MSRA: variants seen among roughly 807,000 people sequenced by gnomAD.
MSRA encodes the protein methionine sulfoxide reductase A.
MSRA carries 54 observed loss-of-function variants against 31.3 expected under a neutral mutation model. The ratio of observed to expected loss-of-function variants is 1.73; its 90% CI spans 1.39 to 2.17. The LOEUF (loss-of-function observed/expected upper bound fraction) is 2.17, where lower values mean the gene tolerates loss of function less well. Among genes scored for constraint, MSRA ranks in the 30% most tolerant of loss-of-function variants. MSRA has a pLI of 0.00. For synonymous variants in MSRA, 169 were observed against 116.5 expected (o/e 1.45, Z -2.90); for missense variants, 507 against 300.9 (o/e 1.69, Z -5.07).
At chr8:10,303,700 T>G (rs1023664729) in intron 4 of MSRA, among the ~76,000 whole-genome samples, 2 of 152,112 alleles carry the variant, frequency 1.3e-5, no homozygotes, top group Non-Finnish European at 2.9e-5. Context: ...GTCAGTGGCC[T>G]CCCCACAGGT....
intron 3 of MSRA, among the ~76,000 whole-genome samples, chr8:10,267,510 C>T (rs1798808588): frequency 6.6e-6 from 1 of 152,120 alleles, no homozygotes; most frequent in Non-Finnish European, 1.5e-5. Flanking sequence ...GTATATGGCT[C>T]AGTCTCCACA....
intron 3 of MSRA, among the ~76,000 whole-genome samples, chr8:10,274,229 A>G (rs1335954526): frequency 6.6e-6 from 1 of 152,194 alleles, no homozygotes; most frequent in Non-Finnish European, 1.5e-5. Context: ...TAAATTCCAG[A>G]CAGTATGTAA....
At chr8:10,408,689 A>G (rs1199114501) in intron 5 of MSRA, among the ~76,000 whole-genome samples, 2 of 152,166 alleles carry the variant, frequency 1.3e-5, no homozygotes. Context: ...ATATCACCCA[A>G]ATAATGTACC....
chr8:10,184,381 A>C (rs1806834807), intron 1 of MSRA, among the ~76,000 whole-genome samples: 1 of 151,960 alleles, frequency 6.6e-6, no homozygotes, highest in African/African-American at 2.4e-5. Flanking sequence ...AAGCAGAAAG[A>C]ATCAGTTTCC....
chr8:10,390,744 C>G (rs1806689974), intron 5 of MSRA, among the ~76,000 whole-genome samples: 2 of 151,974 alleles, frequency 1.3e-5, no homozygotes. Context: ...TGACTCCATT[C>G]CAAAGGCGAA....
At chr8:10,124,573 TA>T (rs1197688147) in intron 1 of MSRA, among the ~76,000 whole-genome samples, 1 of 152,236 alleles carries the variant, frequency 6.6e-6, no homozygotes, top group Non-Finnish European at 1.5e-5. Flanking sequence ...ACTTTGATAT[TA>T]AATAAGTTTC....
chr8:10,173,246 A>G (rs538681903), intron 1 of MSRA, among the ~76,000 whole-genome samples: 30 of 152,244 alleles, frequency 2.0e-4, no homozygotes, highest in Non-Finnish European at 4.1e-4. Context: ...CTCTGAGCCG[A>G]AGGCTCTCCG....
intron 1 of MSRA, among the ~76,000 whole-genome samples, chr8:10,087,136 C>G (rs1798601931): frequency 6.6e-6 from 1 of 152,252 alleles, no homozygotes; most frequent in African/African-American, 2.4e-5. Context: ...CCTACTAGAC[C>G]TTAAACATCT....
At position 10,286,612 on chromosome 8, in the gene MSRA, G is replaced by A. The variant is rs1799952406; in HGVS notation, c.332-14922G>A. On this transcript the variant is annotated intron_variant, in intron 3 of 5. Transcript: ENST00000317173. Reference sequence around the variant, plus strand: ...ATACAAACATCCAGTTAGATATACTGTCTCCATTAAACCAGAGCACTTGTC... The same window carrying A: ...ATACAAACATCCAGTTAGATATACTATCTCCATTAAACCAGAGCACTTGTC... Among the ~76,000 whole-genome samples the A allele has an allele frequency of 1.3e-5, 2 of 152,222 alleles. 1 individual carries two copies. Among genetic ancestry groups the A allele is most frequent in the South Asian group, 4.1e-4 (2 of 4,834 alleles).
At chr8:10,373,298 G>A (rs114446472) in intron 5 of MSRA, among the ~76,000 whole-genome samples, 3 of 152,282 alleles carry the variant, frequency 2.0e-5, no homozygotes, top group Admixed American at 1.3e-4. Context: ...AGGACTGAAA[G>A]ATTAGGTAAA....
Position 10,301,552 on chromosome 8 carries a change from A to G in MSRA, c.350A>G (p.Glu117Gly). 9 of 1,613,726 alleles carry G rather than the reference A, an allele frequency of 5.6e-6. No individual in the cohort carries two copies. The highest frequency in any genetic ancestry group is 7.6e-6 in the Non-Finnish European group (9 of 1,179,920). Residue 117 changes from glutamate (E) to glycine (G), a missense_variant, in exon 4 of 6, where the codon GAA becomes GGA. Transcript: ENST00000317173. ...EVCSEKTGHA[E>G]VVRVVYQPEH... ...TTCCAAGAAAAAACTGGCCATGCAG[A>G]AGTCGTCCGAGTGGTGTACCAGCCA...
intron 1 of MSRA, among the ~76,000 whole-genome samples, chr8:10,147,047 G>A (rs1386835950): frequency 6.6e-6 from 1 of 152,148 alleles, no homozygotes; most frequent in African/African-American, 2.4e-5. Context: ...CCCTTCCCAG[G>A]TACAGATGAG....
At chr8:10,204,300 C>T (rs1333875614) in intron 1 of MSRA, among the ~76,000 whole-genome samples, 1 of 152,190 alleles carries the variant, frequency 6.6e-6, no homozygotes, top group Admixed American at 6.5e-5. Context: ...TTTATAAAGT[C>T]CGTGGTAGTG....
At chr8:10,253,819 A>C (rs1798038339) in intron 3 of MSRA, among the ~76,000 whole-genome samples, 1 of 152,160 alleles carries the variant, frequency 6.6e-6, no homozygotes, top group African/African-American at 2.4e-5. Context: ...ATAATGACTG[A>C]CAATTTTTAG....
chr8:10,375,650 C>G (rs566299303), intron 5 of MSRA, among the ~76,000 whole-genome samples: 1 of 152,104 alleles, frequency 6.6e-6, no homozygotes, highest in South Asian at 2.1e-4. Flanking sequence ...AATGGCAGTT[C>G]CTGGGTAAAT....
intron 5 of MSRA, among the ~76,000 whole-genome samples, chr8:10,399,468 G>A (rs1329126733): frequency 1.3e-5 from 2 of 152,186 alleles, no homozygotes; most frequent in African/African-American, 2.4e-5. Flanking sequence ...TCACGTGAGG[G>A]TGTGGTGCCT....
chr8:10,418,899 A>G (rs990923809), intron 5 of MSRA, among the ~76,000 whole-genome samples: 2 of 148,560 alleles, frequency 1.3e-5, no homozygotes, highest in Non-Finnish European at 3.0e-5. Flanking sequence ...TCAAAGTTGC[A>G]GTGAGCCATG....
intron 1 of MSRA, among the ~76,000 whole-genome samples, chr8:10,097,059 A>C (rs925127641): frequency 6.6e-6 from 1 of 152,158 alleles, no homozygotes; most frequent in Non-Finnish European, 1.5e-5. Context: ...GACAATAAAA[A>C]CCTGTCTATA....
intron 1 of MSRA, among the ~76,000 whole-genome samples, chr8:10,186,722 C>T (rs1807087181): frequency 6.6e-6 from 1 of 152,138 alleles, no homozygotes; most frequent in Admixed American, 6.5e-5. Flanking sequence ...GTAGTAGTGG[C>T]TGTGATGGGT....
Sources: allele counts gnomAD v4.1 joint callset (sites outside exome capture counted in the v4.1 genomes callset), GRCh38; gene constraint gnomAD v4.1.1; transcripts MANE v1.5; gene names NCBI Gene and HGNC (gene_info 2026-07-23, HGNC 2026-07-21).